Variants in MBD5 observed in about 807,000 individuals in gnomAD.
MBD5 encodes the protein methyl-CpG binding domain protein 5, also known as methyl-CpG-binding domain protein 5.
MBD5 carries 13 observed loss-of-function variants against 117.3 expected under a neutral mutation model. The ratio of observed to expected loss-of-function variants is 0.11; its 90% confidence interval spans 0.07 to 0.18. MBD5 has a LOEUF of 0.18. Ranked by LOEUF, MBD5 falls within the 10% of genes least tolerant of loss-of-function variation. MBD5 has a pLI of 1.00. For synonymous variants in MBD5, 727 were observed against 766.4 expected, an observed-to-expected ratio of 0.95 and a Z score of 0.85; for missense variants, 1,879 against 2,093.8, an observed-to-expected ratio of 0.90 and a Z score of 2.00.
intron 1 of MBD5, among the ~76,000 whole-genome samples, chr2:148,135,680 G>C (rs73964452): frequency 0.029 from 4,349 of 152,180 alleles, 143 homozygotes; most frequent in Admixed American, 0.067. Context: ...GTGGTGAGGG[G>C]CCCAGGATTT....
intron 4 of MBD5, among the ~76,000 whole-genome samples, chr2:148,353,564 C>CT (rs1703299558): frequency 6.6e-6 from 1 of 152,038 alleles, no homozygotes. Flanking sequence ...TTTCCTGTCT[C>CT]TATCATTCAG....
At chr2:148,136,878 T>A (rs1459094299) in intron 1 of MBD5, among the ~76,000 whole-genome samples, 1 of 152,138 alleles carries the variant, frequency 6.6e-6, no homozygotes, top group Non-Finnish European at 1.5e-5. Flanking sequence ...TTCTCCTGCC[T>A]CAGCCTCCCA....
intron 4 of MBD5, among the ~76,000 whole-genome samples, chr2:148,376,257 TTTTTC>T (rs1374350728): frequency 7.2e-6 from 1 of 137,940 alleles, no homozygotes; most frequent in Non-Finnish European, 1.5e-5. Context: ...ATATTTCTTT[TTTTTC>T]TTTTCTTTTC....
chr2:148,113,356 A>G (rs2105360803), intron 1 of MBD5, among the ~76,000 whole-genome samples: 1 of 152,252 alleles, frequency 6.6e-6, no homozygotes, highest in East Asian at 1.9e-4. Flanking sequence ...TTACCTTGTC[A>G]AAAACTTTTT....
chr2:148,484,412 C>T (rs541660257), intron 9 of MBD5, among the ~76,000 whole-genome samples: 1 of 152,278 alleles, frequency 6.6e-6, no homozygotes, highest in South Asian at 2.1e-4. Flanking sequence ...ACCTACCCAT[C>T]ACCTCTTAAA....
intron 12 of MBD5, among the ~76,000 whole-genome samples, chr2:148,503,693 A>G (rs1681940438): frequency 6.6e-6 from 1 of 152,232 alleles, no homozygotes; most frequent in South Asian, 2.1e-4. Context: ...GGCCAAGTTA[A>G]TTGCCGGATA....
intron 10 of MBD5, among the ~76,000 whole-genome samples, chr2:148,487,794 G>A (rs1334509792): frequency 1.3e-5 from 2 of 152,154 alleles, no homozygotes; most frequent in Non-Finnish European, 2.9e-5. Context: ...TTTCACTCTA[G>A]TAACAACTTT....
intron 12 of MBD5, among the ~76,000 whole-genome samples, chr2:148,508,278 C>T (rs545713448): frequency 1.6e-4 from 24 of 151,944 alleles, no homozygotes; most frequent in African/African-American, 5.5e-4. Flanking sequence ...ACAGTACATA[C>T]ATAATAAAAA....
chr2:148,056,575 T>A (rs1311468859), intron 1 of MBD5, among the ~76,000 whole-genome samples: 1 of 152,116 alleles, frequency 6.6e-6, no homozygotes, highest in Non-Finnish European at 1.5e-5. Context: ...TATAGTTTTT[T>A]CTCTTTTAAT....
At chr2:148,121,137 A>G (rs1460620591) in intron 1 of MBD5, among the ~76,000 whole-genome samples, 1 of 152,108 alleles carries the variant, frequency 6.6e-6, no homozygotes, top group African/African-American at 2.4e-5. Context: ...GACAACTTTA[A>G]CTTCTGTTGA....
chr2:148,109,144 G>T (rs1233659860), intron 1 of MBD5, among the ~76,000 whole-genome samples: 3 of 152,272 alleles, frequency 2.0e-5, no homozygotes, highest in South Asian at 2.1e-4. Context: ...ATTTGGCCAG[G>T]TGTGGTGACT....
chr2:148,333,712 G>A (rs138978484), intron 3 of MBD5, among the ~76,000 whole-genome samples: 1 of 151,876 alleles, frequency 6.6e-6, no homozygotes, highest in Non-Finnish European at 1.5e-5. Context: ...ACAAAAATTA[G>A]CCAGGTAAGG....
In MBD5 at chr2:148,047,785, C is replaced by G. The variant is rs1194841082; in HGVS notation, c.-925+26101C>G. Among the ~76,000 whole-genome samples the G allele has an allele frequency of 3.3e-5, 5 of 152,094 alleles. No homozygotes were observed. In the South Asian group the frequency reaches 8.3e-4, roughly 25 times the overall value. ...AATGGCCCTAAGTCCAAAGTGATACCTTAGCTAAATTTTAAGTTATGAGTT... is the reference window on the plus strand; with the variant it reads ...AATGGCCCTAAGTCCAAAGTGATACGTTAGCTAAATTTTAAGTTATGAGTT... On this transcript the variant is annotated intron_variant, in intron 1 of 13. Coordinates refer to ENST00000642680, the MANE Select transcript of MBD5 (RefSeq NM_001378120.1).
intron 2 of MBD5, among the ~76,000 whole-genome samples, chr2:148,188,114 A>G (rs1395634261): frequency 1.3e-5 from 2 of 152,224 alleles, no homozygotes; most frequent in Non-Finnish European, 2.9e-5. Flanking sequence ...GGAAATGATC[A>G]TTGGAGCATT....
chr2:148,166,671 A>C (rs1023711959), intron 1 of MBD5, among the ~76,000 whole-genome samples: 4 of 152,086 alleles, frequency 2.6e-5, no homozygotes, highest in African/African-American at 9.7e-5. Flanking sequence ...ACATGAGGGT[A>C]CTTCTCCACC....
intron 4 of MBD5, among the ~76,000 whole-genome samples, chr2:148,382,285 A>G (rs1009535586): frequency 2.0e-5 from 3 of 152,162 alleles, no homozygotes; most frequent in Non-Finnish European, 2.9e-5. Flanking sequence ...GGAAATCAAA[A>G]AAAGGCAGGG....
Position 148,048,112 on chromosome 2 carries a change from A to G in MBD5, c.-925+26428A>G, listed in dbSNP as rs140656904. ...TTGGTGATGATTAATTTAAGTTCAG[A>G]TCCTGAAACATTCTGTCTCTGTAAA... is the stretch of plus-strand genomic sequence containing the variant. On this transcript the variant is annotated intron_variant, in intron 1 of 13. Coordinates refer to ENST00000642680, the MANE Select transcript of MBD5 (RefSeq NM_001378120.1). 2.4e-3 allele frequency among the ~76,000 whole-genome samples: 369 copies of G among 152,272 alleles called. 2 individuals are homozygous for G. The highest frequency in any genetic ancestry group is 8.2e-3 in the African/African-American group (342 of 41,544).
intron 2 of MBD5, among the ~76,000 whole-genome samples, chr2:148,180,360 ATG>A (rs1558961115): frequency 8.4e-6 from 1 of 118,768 alleles, no homozygotes; most frequent in African/African-American, 2.8e-5. Context: ...ATATATATAT[ATG>A]TATATATGTA....
chr2:148,082,937 T>A (rs1190722042), intron 1 of MBD5, among the ~76,000 whole-genome samples: 1 of 152,172 alleles, frequency 6.6e-6, no homozygotes, highest in Non-Finnish European at 1.5e-5. Flanking sequence ...TTCTTGCCCT[T>A]GGTAGGCATG....
Sources: gnomAD v4.1 joint callset for allele counts (sites outside exome capture counted in the v4.1 genomes callset) on GRCh38, gnomAD v4.1.1 for gene constraint, MANE v1.5 for transcripts, NCBI Gene and HGNC (gene_info 2026-07-23, HGNC 2026-07-21) for gene names.